DHX35: variants seen among roughly 807,000 people sequenced by gnomAD.
The protein encoded by DHX35 is DEAH-box helicase 35, also known as probable ATP-dependent RNA helicase DHX35.
A neutral mutation model predicts 99.6 loss-of-function variants in DHX35; 84 were observed. The ratio of observed to expected loss-of-function variants is 0.84; its 90% CI spans 0.71 to 1.01. The LOEUF is 1.01. DHX35 is among the 50% of genes least tolerant of loss of function. The probability of loss-of-function intolerance (pLI) is 0.00; values close to 1 mark genes in which losing one functional copy is unlikely to be tolerated. For missense variants in DHX35, 852 were observed against 888.5 expected, an observed-to-expected ratio of 0.96 and a Z score of 0.52; for synonymous variants, 331 against 316.2, an observed-to-expected ratio of 1.05 and a Z score of -0.50.
intron 7 of DHX35, among the ~76,000 whole-genome samples, chr20:38,993,955 G>C (rs1411548421): frequency 1.3e-5 from 2 of 152,162 alleles, no homozygotes; most frequent in African/African-American, 4.8e-5. Context: ...AGGATGTCTA[G>C]AGCTAGGTGG....
intron 8 of DHX35, among the ~76,000 whole-genome samples, chr20:38,995,640 C>T (rs1416012609): frequency 6.6e-6 from 1 of 152,164 alleles, no homozygotes; most frequent in Non-Finnish European, 1.5e-5. Context: ...AGCAGCTCAA[C>T]TCAACAAATA....
chr20:39,016,037 T>A lies in DHX35; in HGVS notation c.1402+1103T>A, dbSNP rs6101365. On this transcript the variant is annotated intron_variant, in intron 14 of 21. Transcript: ENST00000252011. Reference sequence around the variant, plus strand: ...CTATAACAGAATGCCAGAGGCTGGGTAATTTCTAAAGAGGTTTATTTGGGT... The same window carrying A: ...CTATAACAGAATGCCAGAGGCTGGGAAATTTCTAAAGAGGTTTATTTGGGT... Among the ~76,000 whole-genome samples the A allele has an allele frequency of 4.5e-3, 688 of 152,214 alleles. 4 individuals carry two copies. Among genetic ancestry groups the A allele is most frequent in the African/African-American group, 0.015 (616 of 41,520 alleles).
intron 8 of DHX35, 108 bp downstream of exon 8, chr20:38,994,988 C>T: frequency 1.1e-6 from 1 of 911,906 alleles, no homozygotes; most frequent in Non-Finnish European, 1.8e-6. Context: ...AATGCCCTAT[C>T]TTCTTTATGG....
rs765193889 is a variant in DHX35 at position 39,003,865 on chromosome 20, G to A, written c.969G>A (p.Glu323=). The A allele has an allele frequency of 1.2e-6, 2 of 1,614,138 alleles. No homozygotes were observed. The highest frequency in any genetic ancestry group is 2.2e-5 in the East Asian group (1 of 44,880). The change falls in exon 11 of 22, where the codon GAG becomes GAA. Residue 323 remains glutamate, a synonymous_variant. Transcript: ENST00000252011. ...LPMYAGLPSF[E]QMKVFERVSR... ...TGTATGCAGGACTGCCTTCCTTTGA[G>A]CAAATGAAAGTGTTTGAAAGGGTGT...
intron 8 of DHX35, among the ~76,000 whole-genome samples, chr20:38,998,702 A>G (rs1184737115): frequency 6.6e-6 from 1 of 152,132 alleles, no homozygotes; most frequent in East Asian, 1.9e-4. Flanking sequence ...TGTTGGTACT[A>G]TATTTATTTA....
intron 17 of DHX35, 87 bp from the exon 18 acceptor site, chr20:39,025,140 TGGG>T (rs2145936361): frequency 7.0e-7 from 1 of 1,421,028 alleles, no homozygotes; most frequent in East Asian, 2.4e-5. Flanking sequence ...GAACAGCACA[TGGG>T]GGAAGAGAGA....
chr20:39,000,487 A>G (rs1322024848), intron 8 of DHX35, among the ~76,000 whole-genome samples: 1 of 152,212 alleles, frequency 6.6e-6, no homozygotes, highest in African/African-American at 2.4e-5. Flanking sequence ...GAACAGGAGT[A>G]CTGTGTGGAA....
intron 18 of DHX35, among the ~76,000 whole-genome samples, 170 bp downstream of exon 18, chr20:39,025,529 G>A (rs916484389): frequency 3.9e-5 from 6 of 152,082 alleles, no homozygotes; most frequent in African/African-American, 9.7e-5. Flanking sequence ...GTCAAGTTGC[G>A]TATTTTTTCC....
At chr20:39,025,977 G>C (rs935149250) in intron 18 of DHX35, among the ~76,000 whole-genome samples, 3 of 152,170 alleles carry the variant, frequency 2.0e-5, no homozygotes, top group Admixed American at 2.0e-4. Context: ...AAGATCCTAG[G>C]GAGAAGGTAG....
chr20:38,983,952 C>G (rs1256338407), intron 4 of DHX35, among the ~76,000 whole-genome samples, 176 bp downstream of exon 4: 3 of 152,050 alleles, frequency 2.0e-5, no homozygotes, highest in Non-Finnish European at 2.9e-5. Flanking sequence ...CTCTGTTGCC[C>G]AGGCTGGGGT....
intron 2 of DHX35, among the ~76,000 whole-genome samples, chr20:38,969,459 G>A (rs545348347): frequency 3.3e-5 from 5 of 152,268 alleles, no homozygotes; most frequent in African/African-American, 1.2e-4. Context: ...AATGACTTTT[G>A]TTTTCCCCTT....
At chr20:38,976,072 G>C (rs1266933545) in intron 3 of DHX35, among the ~76,000 whole-genome samples, 3 of 152,210 alleles carry the variant, frequency 2.0e-5, no homozygotes, top group Non-Finnish European at 4.4e-5. Context: ...CTGGTGGGAA[G>C]GAGAAAGAGC....
Position 38,983,781 on chromosome 20 carries a change from G to A in DHX35, c.345+5G>A, listed in dbSNP as rs1168519589. ...CGAAGAGTGGCTGCTGTTACAGTGAGTTTCTTTTTGTGTTGGAAAGATTCT... is the reference window on the plus strand; with the variant it reads ...CGAAGAGTGGCTGCTGTTACAGTGAATTTCTTTTTGTGTTGGAAAGATTCT... On this transcript the variant is annotated splice_donor_5th_base_variant and intron_variant, in intron 4 of 21. Coordinates refer to ENST00000252011, the MANE Select transcript of DHX35 (RefSeq NM_021931.4). The A allele has an allele frequency of 1.9e-6, 3 of 1,611,630 alleles. No homozygotes were observed. Among genetic ancestry groups the A allele is most frequent in the Non-Finnish European group, 2.5e-6 (3 of 1,178,408 alleles).
At chr20:38,966,733 T>C (rs2085917501) in intron 1 of DHX35, among the ~76,000 whole-genome samples, 2 of 152,130 alleles carry the variant, frequency 1.3e-5, no homozygotes. Context: ...AGGAATACGG[T>C]AGTACAAAAG....
chr20:38,978,013 C>T, intron 3 of DHX35: 1 of 716,566 alleles, frequency 1.4e-6, no homozygotes, highest in South Asian at 1.4e-5. Context: ...TCCAGATATA[C>T]TTAAGAATTT....
chr20:39,013,055 G>T (rs1044163845), intron 13 of DHX35, among the ~76,000 whole-genome samples: 1 of 151,696 alleles, frequency 6.6e-6, no homozygotes. Flanking sequence ...ATGTGATAAT[G>T]CTTATAGCAT....
chr20:38,987,137 G>A (rs915911894), intron 4 of DHX35, among the ~76,000 whole-genome samples: 1 of 152,240 alleles, frequency 6.6e-6, no homozygotes, highest in African/African-American at 2.4e-5. Flanking sequence ...CCTTCCTTCT[G>A]TGGGGATTGG....
chr20:38,971,824 T>C (rs1476372672), intron 2 of DHX35, among the ~76,000 whole-genome samples: 1 of 152,146 alleles, frequency 6.6e-6, no homozygotes, highest in Non-Finnish European at 1.5e-5. Flanking sequence ...CTACAAATTA[T>C]TCCATTATTG....
chr20:38,963,740 T>C (rs1027311900), intron 1 of DHX35, among the ~76,000 whole-genome samples: 2 of 152,242 alleles, frequency 1.3e-5, no homozygotes, highest in Admixed American at 6.5e-5. Context: ...GGTACACTTA[T>C]TGAAAACCTA....
Sources: allele counts gnomAD v4.1 joint callset (sites outside exome capture counted in the v4.1 genomes callset), GRCh38; gene constraint gnomAD v4.1.1; transcripts MANE v1.5; gene names NCBI Gene and HGNC (gene_info 2026-07-23, HGNC 2026-07-21).